ADAMTS20: variants seen among roughly 807,000 people sequenced by gnomAD.
ADAMTS20 encodes A disintegrin and metalloproteinase with thrombospondin motifs 20.
Under a neutral mutation model 260.1 loss-of-function variants are expected in ADAMTS20, and 225 were observed. The ratio of observed to expected loss-of-function variants is 0.87; its 90% CI spans 0.78 to 0.97. ADAMTS20 has a LOEUF of 0.97. Among genes scored for constraint, ADAMTS20 ranks in the 50% least tolerant of loss-of-function variants. The pLI is 0.00. For synonymous variants in ADAMTS20, 802 were observed against 769.5 expected (o/e 1.04, Z -0.70); for missense variants, 2,400 against 2,337.7 (o/e 1.03, Z -0.55).
Position 43,377,430 on chromosome 12 carries a change from G to C in ADAMTS20, c.4930C>G (p.Gln1644Glu). The change falls in exon 32 of 39, where the codon CAG becomes GAG. Residue 1644 changes from glutamine to glutamate, a missense_variant. Gln to Glu is a conservative substitution (Grantham distance 29). Transcript: ENST00000389420. ...CAGCTGTTAATGCATTGGTAAACCT[G>C]AGAGGAAGGCACCACAGGGCATTCT... ...YQECPVVPSSQVYQCINSCLH... is the reference protein window; with the variant it reads ...YQECPVVPSSEVYQCINSCLH... 6.2e-7 allele frequency: 1 copy of C among 1,613,550 alleles called. No individual in the cohort carries two copies. Among genetic ancestry groups the C allele is most frequent in the Non-Finnish European group, 8.5e-7 (1 of 1,179,702 alleles).
intron 7 of ADAMTS20, among the ~76,000 whole-genome samples, chr12:43,486,178 T>C (rs1427439009): frequency 1.3e-5 from 2 of 152,114 alleles, no homozygotes; most frequent in African/African-American, 2.4e-5. Flanking sequence ...CTTCAAACTA[T>C]ACTACAAGGC....
chr12:43,417,723 T>A (rs1354481825), intron 28 of ADAMTS20, among the ~76,000 whole-genome samples: 1 of 152,190 alleles, frequency 6.6e-6, no homozygotes, highest in Non-Finnish European at 1.5e-5. Flanking sequence ...CAAAACATTA[T>A]TTTTTAGGAC....
intron 7 of ADAMTS20, among the ~76,000 whole-genome samples, chr12:43,475,803 A>T (rs373714557): frequency 1.3e-5 from 2 of 150,074 alleles, no homozygotes; most frequent in Non-Finnish European, 3.0e-5. Context: ...GTAGAAAGCT[A>T]AAACTGGATC....
At chr12:43,548,147 A>G (rs1943465583) in intron 2 of ADAMTS20, among the ~76,000 whole-genome samples, 1 of 152,204 alleles carries the variant, frequency 6.6e-6, no homozygotes, top group South Asian at 2.1e-4. Context: ...CATTTAATAA[A>G]CTACAACATC....
chr12:43,468,516 A>T, intron 8 of ADAMTS20, 84 bp downstream of exon 8: 1 of 848,572 alleles, frequency 1.2e-6, no homozygotes, highest in South Asian at 1.5e-5. Context: ...AAAGGTACTA[A>T]TTACTCAACT....
chr12:43,378,274 G>T (rs1940273793), intron 31 of ADAMTS20, among the ~76,000 whole-genome samples: 2 of 152,166 alleles, frequency 1.3e-5, no homozygotes, highest in Non-Finnish European at 2.9e-5. Context: ...AACTTTCCAG[G>T]TCTTGGCACA....
intron 18 of ADAMTS20, among the ~76,000 whole-genome samples, chr12:43,438,522 T>G (rs1014237412): frequency 6.6e-6 from 1 of 152,168 alleles, no homozygotes; most frequent in Admixed American, 6.5e-5. Context: ...AATAGGAACA[T>G]TTGTTCCCAT....
At chr12:43,443,641 C>G (rs1293021981) in intron 16 of ADAMTS20, 150 bp downstream of exon 16, 4 of 476,914 alleles carry the variant, frequency 8.4e-6, no homozygotes, top group Admixed American at 3.7e-5. Context: ...TGCTTAAGAA[C>G]ATATGTATAG....
intron 37 of ADAMTS20, 52 bp downstream of exon 37, chr12:43,369,238 G>C (rs981511129): frequency 2.7e-6 from 3 of 1,128,812 alleles, no homozygotes; most frequent in Non-Finnish European, 3.6e-6. Flanking sequence ...ATGAAGAGAA[G>C]CTATAATTTT....
At position 43,551,892 on chromosome 12, in the gene ADAMTS20, C is replaced by T. The variant is rs1219650606; in HGVS notation, c.30G>A (p.Leu10=). ...TGATGAAGAGCGAGAGATGGTAGAG[C>T]AGCCCAGTCAGCCACTTGGCCACCC... MWVAKWLTG[L]LYHLSLFITR... is the part of the protein sequence containing the mutation. The change falls in exon 1 of 39, where the codon CTG becomes CTA. Residue 10 remains leucine (L), a synonymous_variant. Transcript: ENST00000389420. The surrounding 1 kb of genome is among the most constrained non-coding windows in gnomAD (Gnocchi z 4.6). The T allele has an allele frequency of 6.2e-7, 1 of 1,613,612 alleles. No individual in the cohort carries two copies. Among genetic ancestry groups the T allele is most frequent in the African/African-American group, 1.3e-5 (1 of 74,942 alleles).
At chr12:43,369,864 TTA>T (rs1223584824) in intron 36 of ADAMTS20, among the ~76,000 whole-genome samples, 3 of 152,154 alleles carry the variant, frequency 2.0e-5, no homozygotes, top group Non-Finnish European at 4.4e-5. Context: ...TCTTATTGCA[TTA>T]TGTTATTCTT....
chr12:43,551,803 C>A lies in ADAMTS20; in HGVS notation c.91+28G>T, dbSNP rs1943521934. The A allele has an allele frequency of 3.1e-6, 5 of 1,611,434 alleles. 1 individual carries two copies. In the South Asian group the frequency reaches 5.5e-5, roughly 18 times the overall value. ...CTCGGGCCCCGCGCCCCCACTTAGC[C>A]GCTGAAGGCGTCTCGCGGTGACTTT... On this transcript the variant is annotated intron_variant, in intron 1 of 38. Coordinates refer to ENST00000389420, the MANE Select transcript of ADAMTS20 (RefSeq NM_025003.5). This position sits in a 1 kb window ranked among gnomAD's most constrained non-coding sequence, Gnocchi z 4.6.
chr12:43,540,562 T>C (rs1943362837), intron 2 of ADAMTS20, among the ~76,000 whole-genome samples: 1 of 152,168 alleles, frequency 6.6e-6, no homozygotes, highest in African/African-American at 2.4e-5. Flanking sequence ...ATATTAGAGC[T>C]TTGCCTAAAG....
chr12:43,434,108 T>C, intron 19 of ADAMTS20, 137 bp downstream of exon 19: 1 of 920,522 alleles, frequency 1.1e-6, no homozygotes, highest in Admixed American at 3.0e-5. Flanking sequence ...CATAAAATAG[T>C]GAGCCTGAAA....
At chr12:43,550,361 T>A (rs1417141355) in intron 2 of ADAMTS20, among the ~76,000 whole-genome samples, 1 of 152,200 alleles carries the variant, frequency 6.6e-6, no homozygotes, top group Non-Finnish European at 1.5e-5. Flanking sequence ...TCAAGTATGA[T>A]GCATTTTAAA....
At chr12:43,511,748 T>C (rs995331377) in intron 3 of ADAMTS20, among the ~76,000 whole-genome samples, 2 of 152,164 alleles carry the variant, frequency 1.3e-5, no homozygotes, top group Non-Finnish European at 2.9e-5. Context: ...CTAGAATTGA[T>C]ATAATGCTCT....
rs1396739607 is a variant in ADAMTS20 at position 43,434,347 on chromosome 12, C to A, written c.2618G>T (p.Cys873Phe). 7 of 1,586,468 alleles carry A rather than the reference C, an allele frequency of 4.4e-6. No individual in the cohort carries two copies. The highest frequency in any genetic ancestry group is 6.0e-6 in the Non-Finnish European group (7 of 1,165,974). The change falls in exon 19 of 39, where the codon TGC (cysteine) becomes TTC (phenylalanine). Residue 873 changes from cysteine (C) to phenylalanine (F), a missense_variant. Coordinates refer to ENST00000389420, the MANE Select transcript of ADAMTS20 (RefSeq NM_025003.5). The stretch of plus-strand genomic sequence containing the variant: ...AACACTATGATCACTCTTATGTATG[C>A]AAGTTATGTTTCTTCGCTGAAGACC... ...CQGLQRRNIT[C>F]IHKSDHSVVS... is the part of the protein sequence containing the mutation.
At chr12:43,386,069 G>A (rs745800539) in intron 29 of ADAMTS20, among the ~76,000 whole-genome samples, 3 of 151,814 alleles carry the variant, frequency 2.0e-5, no homozygotes, top group African/African-American at 7.3e-5. Flanking sequence ...TCTGGCTAGC[G>A]GTCTACCTAT....
intron 9 of ADAMTS20, among the ~76,000 whole-genome samples, chr12:43,465,598 G>A (rs1365928654): frequency 6.6e-6 from 1 of 151,834 alleles, no homozygotes; most frequent in Admixed American, 6.6e-5. Flanking sequence ...TGGCTAAAAG[G>A]AAAAATATAA....
Sources: gnomAD v4.1 joint callset for allele counts (sites outside exome capture counted in the v4.1 genomes callset) on GRCh38, gnomAD v4.1.1 for gene constraint, Gnocchi (gnomAD v3.1) non-coding constraint, MANE v1.5 for transcripts, NCBI Gene and HGNC (gene_info 2026-07-23, HGNC 2026-07-21) for gene names.